Variants in NADK2 observed in about 807,000 individuals in gnomAD.
The protein encoded by NADK2 is NAD kinase domain-containing protein 1, mitochondrial.
A neutral mutation model predicts 62.1 loss-of-function variants in NADK2; 35 were observed. The observed-to-expected ratio is 0.56, with a 90% CI of 0.43 to 0.75. NADK2 has a LOEUF of 0.75. Ranked by LOEUF, NADK2 falls within the 30% of genes least tolerant of loss-of-function variation. The pLI is 0.00. For missense variants in NADK2, 439 were observed against 561.3 expected, an observed-to-expected ratio of 0.78 and a Z score of 2.20; for synonymous variants, 205 against 207.9, an observed-to-expected ratio of 0.99 and a Z score of 0.12.
At chr5:36,217,909 A>C (rs1747109384) in intron 5 of NADK2, 25 bp from the exon 6 acceptor site, 1 of 1,604,624 alleles carries the variant, frequency 6.2e-7, no homozygotes, top group Admixed American at 1.7e-5. Context: ...GAAAAGGCAA[A>C]TTATGTTAAA....
chr5:36,231,297 C>A (rs1224082521), intron 1 of NADK2, among the ~76,000 whole-genome samples: 3 of 152,156 alleles, frequency 2.0e-5, no homozygotes, highest in Non-Finnish European at 4.4e-5. Context: ...TGATTGCTAA[C>A]AATAATAAAA....
At chr5:36,202,508 C>T (rs908646082) in intron 8 of NADK2, among the ~76,000 whole-genome samples, 6 of 152,078 alleles carry the variant, frequency 3.9e-5, no homozygotes, top group Non-Finnish European at 7.4e-5. Context: ...TGTAATACCA[C>T]CCCTATATCC....
At chr5:36,200,170 A>T (rs1208211485) in intron 10 of NADK2, 57 bp downstream of exon 10, 1 of 1,278,128 alleles carries the variant, frequency 7.8e-7, no homozygotes, top group East Asian at 2.7e-5. Flanking sequence ...TCACACTATC[A>T]TCCTTAAAAC....
rs1340183006 is a variant in NADK2 at position 36,241,498 on chromosome 5, C to T, written c.300+1G>A. On this transcript the variant is annotated splice_donor_variant, in intron 1 of 11. Coordinates refer to ENST00000381937, the MANE Select transcript of NADK2 (RefSeq NM_001085411.3). LOFTEE classifies it high-confidence loss of function. The surrounding 1 kb of genome is among the most constrained non-coding windows in gnomAD (Gnocchi z 4.9). ...CGAAGCGGGGCCGAGCCAGGACCCACCAGCTGCTTCAGGTCCTCCTCCGAG... is the reference window on the plus strand; with the variant it reads ...CGAAGCGGGGCCGAGCCAGGACCCATCAGCTGCTTCAGGTCCTCCTCCGAG... 2 of 1,547,672 alleles carry T rather than the reference C, an allele frequency of 1.3e-6. No homozygotes were observed. Among genetic ancestry groups the T allele is most frequent in the East Asian group, 2.6e-5 (1 of 39,148 alleles).
chr5:36,215,007 G>A (rs1746989609), intron 6 of NADK2, among the ~76,000 whole-genome samples: 2 of 152,192 alleles, frequency 1.3e-5, no homozygotes, highest in Non-Finnish European at 2.9e-5. Flanking sequence ...TATAGGGAAG[G>A]ATGTGCATAG....
rs567900678 is a variant in NADK2 at position 36,241,322 on chromosome 5, C to T, written c.300+177G>A. 1.1e-5 allele frequency: 14 copies of T among 1,257,978 alleles called. No individual in the cohort carries two copies. The African/African-American group carries it at 1.6e-4, about 14-fold the overall frequency. 77.9% of individuals were successfully genotyped at this position (1,257,978 alleles called of 1,614,324 possible). A position where few individuals can be genotyped will look rare whatever the true frequency, so the allele number is the denominator to read the frequency against. The stretch of plus-strand genomic sequence containing the variant: ...CCCTGCCTCTCCCTCGCACACACGC[C>T]CAAAGGCAAAGGAGGCCCAGGGAGA... On this transcript the variant is annotated intron_variant, in intron 1 of 11. Transcript: ENST00000381937. This position sits in a 1 kb window ranked among gnomAD's most constrained non-coding sequence, Gnocchi z 4.9.
chr5:36,213,109 A>G (rs932225572), intron 6 of NADK2: 1 of 152,204 alleles, frequency 6.6e-6, no homozygotes, highest in African/African-American at 2.4e-5. Flanking sequence ...ATGAGCTAAA[A>G]AAGTGTGTTC....
chr5:36,238,550 A>G (rs1002663059), intron 1 of NADK2, among the ~76,000 whole-genome samples: 5 of 152,142 alleles, frequency 3.3e-5, no homozygotes, highest in African/African-American at 7.2e-5. Flanking sequence ...TTTTTGACCA[A>G]TGAGGTATGT....
chr5:36,240,065 C>A (rs1748050296), intron 1 of NADK2, among the ~76,000 whole-genome samples: 1 of 152,138 alleles, frequency 6.6e-6, no homozygotes. Context: ...TTAGTACAAC[C>A]CAAAGGGCAC....
chr5:36,238,113 A>G (rs1387125382), intron 1 of NADK2, among the ~76,000 whole-genome samples: 3 of 152,212 alleles, frequency 2.0e-5, no homozygotes, highest in African/African-American at 7.2e-5. Flanking sequence ...TTGATTAACA[A>G]TCATATTGTA....
chr5:36,208,553 T>C, intron 7 of NADK2: 1 of 1,071,070 alleles, frequency 9.3e-7, no homozygotes, highest in African/African-American at 1.6e-5. Flanking sequence ...ATGCAAGATT[T>C]ATCAAGATTA....
intron 4 of NADK2, among the ~76,000 whole-genome samples, chr5:36,220,329 A>G (rs1747216539): frequency 6.6e-6 from 1 of 152,200 alleles, no homozygotes; most frequent in Admixed American, 6.5e-5. Flanking sequence ...AAAACAAACC[A>G]TTGCAAATTA....
rs896259380 is a variant in NADK2, at chr5:36,199,443, T to C, written c.1066+784A>G. On this transcript the variant is annotated intron_variant, in intron 10 of 11. Transcript: ENST00000381937. ...GGAGTTTTATAAAAAACAATCTAGC[T>C]TGAAATTTTAGGATATCCTTCAATG... is the stretch of plus-strand genomic sequence containing the variant. Among the ~76,000 whole-genome samples, 4 of 152,036 alleles carry C rather than the reference T, an allele frequency of 2.6e-5. No individual in the cohort carries two copies. In the South Asian group the frequency reaches 8.3e-4, roughly 31 times the overall value.
At chr5:36,238,523 G>C (rs994679528) in intron 1 of NADK2, among the ~76,000 whole-genome samples, 87 of 152,140 alleles carry the variant, frequency 5.7e-4, no homozygotes, top group African/African-American at 2.0e-3. Flanking sequence ...GTGAAAAAGA[G>C]CTTTAAATAA....
At chr5:36,222,465 T>G (rs1747309336) in intron 4 of NADK2, among the ~76,000 whole-genome samples, 1 of 152,188 alleles carries the variant, frequency 6.6e-6, no homozygotes. Context: ...TAGAAAAGTT[T>G]CCAAAAATAT....
chr5:36,241,301 G>T lies in NADK2; in HGVS notation c.300+198C>A. 1 of 1,090,146 alleles carries T rather than the reference G, an allele frequency of 9.2e-7. No individual in the cohort carries two copies. Among genetic ancestry groups the T allele is most frequent in the Non-Finnish European group, 1.2e-6 (1 of 831,294 alleles). 67.5% of individuals were successfully genotyped at this position (1,090,146 alleles called of 1,614,324 possible). A position where few individuals can be genotyped will look rare whatever the true frequency, so the allele number is the denominator to read the frequency against. On this transcript the variant is annotated intron_variant, in intron 1 of 11. Coordinates refer to ENST00000381937, the MANE Select transcript of NADK2 (RefSeq NM_001085411.3). The surrounding 1 kb of genome is among the most constrained non-coding windows in gnomAD (Gnocchi z 4.9). ...TCTCTCTCCCCCTCTCCCCGGCCCT[G>T]CCTCTCCCTCGCACACACGCCCAAA... is the stretch of plus-strand genomic sequence containing the variant.
chr5:36,200,870 C>A lies in NADK2; in HGVS notation c.1012+236G>T, dbSNP rs74403547. ...TATGCCAAAGAGAAGCCATAAAATG[C>A]TTCCTTTACATGAACAGGTGAAAGT... On this transcript the variant is annotated intron_variant, in intron 9 of 11. Coordinates refer to ENST00000381937, the MANE Select transcript of NADK2 (RefSeq NM_001085411.3). 2.9e-3 allele frequency among the ~76,000 whole-genome samples: 438 copies of A among 152,108 alleles called. 4 individuals carry two copies. The highest frequency in any genetic ancestry group is 1.0e-2 in the African/African-American group (414 of 41,512).
chr5:36,201,944 T>TA (rs1017619902), intron 8 of NADK2, among the ~76,000 whole-genome samples: 10 of 152,124 alleles, frequency 6.6e-5, no homozygotes, highest in African/African-American at 1.9e-4. Context: ...GTTGTTTTTT[T>TA]AAAAAAATAT....
intron 1 of NADK2, among the ~76,000 whole-genome samples, chr5:36,233,090 A>C (rs945433948): frequency 6.6e-5 from 10 of 152,172 alleles, no homozygotes; most frequent in African/African-American, 2.4e-5. Context: ...TAGTGAAGTC[A>C]AATAATTACA....
Sources: gnomAD v4.1 joint callset for allele counts (sites outside exome capture counted in the v4.1 genomes callset) on GRCh38, gnomAD v4.1.1 for gene constraint, Gnocchi (gnomAD v3.1) non-coding constraint, MANE v1.5 for transcripts, NCBI Gene and HGNC (gene_info 2026-07-23, HGNC 2026-07-21) for gene names.